Variants in TMTC1 observed in about 807,000 individuals in gnomAD.
The protein encoded by TMTC1 is transmembrane O-mannosyltransferase targeting cadherins 1.
Under a neutral mutation model 104.8 loss-of-function variants are expected in TMTC1, and 73 were observed. That is an observed-to-expected ratio of 0.70 (90% CI 0.58 to 0.85). TMTC1 has a LOEUF of 0.85. Among genes scored for constraint, TMTC1 ranks in the 40% least tolerant of loss-of-function variants. TMTC1 has a pLI of 0.00. For synonymous variants in TMTC1, 434 were observed against 428.7 expected, an observed-to-expected ratio of 1.01 and a Z score of -0.15; for missense variants, 1,035 against 1,096.1, an observed-to-expected ratio of 0.94 and a Z score of 0.79.
chr12:29,629,043 G>A (rs564287013), intron 6 of TMTC1, among the ~76,000 whole-genome samples: 144 of 152,094 alleles, frequency 9.5e-4, no homozygotes, highest in African/African-American at 3.4e-3. Flanking sequence ...TGATGGGCCG[G>A]GCACGGTGGC....
intron 2 of TMTC1, among the ~76,000 whole-genome samples, chr12:29,763,895 G>A (rs1301433838): frequency 2.0e-5 from 3 of 152,200 alleles, no homozygotes; most frequent in Admixed American, 6.5e-5. Context: ...GACCTAAGGT[G>A]ATGAAGAGCA....
chr12:29,716,540 A>T (rs77493802), intron 5 of TMTC1, among the ~76,000 whole-genome samples: 5,483 of 152,214 alleles, frequency 0.036, 193 homozygotes, highest in African/African-American at 0.093. Flanking sequence ...AAATTTTAAT[A>T]TTTAGAGCCT....
At chr12:29,742,886 AC>A (rs1473742944) in intron 5 of TMTC1, among the ~76,000 whole-genome samples, 1 of 152,238 alleles carries the variant, frequency 6.6e-6, no homozygotes, top group Non-Finnish European at 1.5e-5. Context: ...GTAACCACAT[AC>A]CATAAAGTCA....
At chr12:29,650,545 C>T (rs181932815) in intron 5 of TMTC1, among the ~76,000 whole-genome samples, 194 of 152,272 alleles carry the variant, frequency 1.3e-3, no homozygotes, top group African/African-American at 4.5e-3. Context: ...GTGGCAAAGT[C>T]AAAGCATTCA....
intron 6 of TMTC1, among the ~76,000 whole-genome samples, chr12:29,614,905 G>A (rs889800310): frequency 5.9e-5 from 9 of 152,218 alleles, no homozygotes; most frequent in East Asian, 5.8e-4. Flanking sequence ...TGAAGACATT[G>A]TCATTGTGAG....
intron 5 of TMTC1, among the ~76,000 whole-genome samples, chr12:29,681,443 C>T (rs1199182954): frequency 2.0e-5 from 3 of 152,156 alleles, no homozygotes; most frequent in Admixed American, 6.5e-5. Context: ...TGGCAACTCA[C>T]TTCACAAAAA....
intron 5 of TMTC1, among the ~76,000 whole-genome samples, chr12:29,677,980 A>G (rs934820678): frequency 2.0e-5 from 3 of 152,252 alleles, no homozygotes; most frequent in African/African-American, 7.2e-5. Flanking sequence ...TAGTATGTCT[A>G]GGATTTGGTA....
chr12:29,662,882 C>G (rs1940100409), intron 5 of TMTC1, among the ~76,000 whole-genome samples: 1 of 152,104 alleles, frequency 6.6e-6, no homozygotes, highest in Admixed American at 6.6e-5. Context: ...CCAAAAAACA[C>G]AAAAGAGAGT....
chr12:29,780,373 G>A (rs1943806748), intron 1 of TMTC1, among the ~76,000 whole-genome samples: 1 of 152,322 alleles, frequency 6.6e-6, no homozygotes, highest in Admixed American at 6.5e-5. Flanking sequence ...GAGACATGCT[G>A]AGTGCAAGAA....
chr12:29,520,907 T>C lies in TMTC1; in HGVS notation c.1786-187A>G, dbSNP rs79784660. The C allele has an allele frequency of 4.4e-3, 2,504 of 566,698 alleles. 42 individuals carry two copies. Among genetic ancestry groups the C allele is most frequent in the African/African-American group, 0.039 (2,076 of 53,092 alleles). 35.1% of individuals were successfully genotyped at this position (566,698 alleles called of 1,614,324 possible). A position where few individuals can be genotyped will look rare whatever the true frequency, so the allele number is the denominator to read the frequency against. On this transcript the variant is annotated intron_variant, in intron 11 of 17. Coordinates refer to ENST00000539277, the MANE Select transcript of TMTC1 (RefSeq NM_001193451.2). Reference sequence around the variant, plus strand: ...AAGGCAATATTAACTGTGTACAAAATACCCAAAATTCATATCTGTATTTAG... The same window carrying C: ...AAGGCAATATTAACTGTGTACAAAACACCCAAAATTCATATCTGTATTTAG...
intron 5 of TMTC1, among the ~76,000 whole-genome samples, chr12:29,674,547 T>G (rs769168114): frequency 1.3e-5 from 2 of 152,230 alleles, no homozygotes; most frequent in African/African-American, 2.4e-5. Context: ...AATATTTTCC[T>G]AGAAGACAAA....
At chr12:29,736,174 C>T (rs951629274) in intron 5 of TMTC1, among the ~76,000 whole-genome samples, 1 of 151,282 alleles carries the variant, frequency 6.6e-6, no homozygotes, top group African/African-American at 2.4e-5. Context: ...AGGCATTGCC[C>T]CTGAGGAGAC....
chr12:29,679,318 T>G (rs954289188), intron 5 of TMTC1, among the ~76,000 whole-genome samples: 2 of 152,190 alleles, frequency 1.3e-5, no homozygotes, highest in African/African-American at 2.4e-5. Context: ...TCATGTATTT[T>G]AATCTTTATT....
rs147394538 is a variant in TMTC1, at chr12:29,570,625, C to T, written c.1532+1480G>A. Among the ~76,000 whole-genome samples the T allele has an allele frequency of 4.1e-3, 631 of 152,262 alleles. 3 individuals are homozygous for T. Among genetic ancestry groups the T allele is most frequent in the African/African-American group, 0.015 (605 of 41,556 alleles). On this transcript the variant is annotated intron_variant, in intron 9 of 17. Coordinates refer to ENST00000539277, the MANE Select transcript of TMTC1 (RefSeq NM_001193451.2). ...TTGGGAGGCTGAGGTGGGTGGATCA[C>T]TTGAGGTCAGGAGTTCAAGGCCAGC...
rs1347942208 is a variant in TMTC1, at chr12:29,507,504, G to GT, written c.2509-519dup. Among the ~76,000 whole-genome samples the GT allele has an allele frequency of 2.0e-5, 3 of 152,180 alleles. No individual in the cohort carries two copies. In the East Asian group the frequency reaches 5.8e-4, roughly 29 times the overall value. ...GTAAAAGTAACTTTTGCCTAATAAA[G>GT]TTTTTTGCAATGAAAAGACTTGATA... On this transcript the variant is annotated intron_variant, in intron 17 of 17. Transcript: ENST00000539277.
chr12:29,598,593 T>C (rs959754290), intron 7 of TMTC1, among the ~76,000 whole-genome samples: 2 of 152,252 alleles, frequency 1.3e-5, no homozygotes, highest in African/African-American at 4.8e-5. Context: ...AATTTTTTCA[T>C]TGAATTTTAT....
intron 10 of TMTC1, among the ~76,000 whole-genome samples, chr12:29,543,862 A>C (rs1041330218): frequency 2.6e-5 from 4 of 152,184 alleles, no homozygotes; most frequent in African/African-American, 7.2e-5. Flanking sequence ...CTAGGGGTTC[A>C]CCCTAATTTT....
intron 5 of TMTC1, among the ~76,000 whole-genome samples, chr12:29,749,003 G>A (rs1943024146): frequency 6.6e-6 from 1 of 152,120 alleles, no homozygotes; most frequent in Non-Finnish European, 1.5e-5. Flanking sequence ...ATGGCATCAT[G>A]GCGGACTATG....
At chr12:29,760,869 T>C (rs1417906876) in intron 2 of TMTC1, among the ~76,000 whole-genome samples, 4 of 148,846 alleles carry the variant, frequency 2.7e-5, no homozygotes, top group Non-Finnish European at 4.5e-5. Context: ...ATTTATTATA[T>C]ACTATATGTA....
Sources: allele counts gnomAD v4.1 joint callset (sites outside exome capture counted in the v4.1 genomes callset), GRCh38; gene constraint gnomAD v4.1.1; transcripts MANE v1.5; gene names NCBI Gene and HGNC (gene_info 2026-07-23, HGNC 2026-07-21).